SKAP2: variants seen among roughly 807,000 people sequenced by gnomAD.
SKAP2 encodes the protein src kinase associated phosphoprotein 2.
SKAP2 carries 28 observed loss-of-function variants against 54.9 expected under a neutral mutation model. That is an observed-to-expected ratio of 0.51 (90% confidence interval 0.38 to 0.70). The LOEUF is 0.70. SKAP2 is among the 30% of genes least tolerant of loss of function. The pLI is 0.00. For missense variants in SKAP2, 356 were observed against 424.1 expected, an observed-to-expected ratio of 0.84 and a Z score of 1.41; for synonymous variants, 137 against 134.3, an observed-to-expected ratio of 1.02 and a Z score of -0.14.
In SKAP2 at chr7:26,667,699, G is replaced by A. The variant is rs1275033522; in HGVS notation, c.*1967C>T. The A allele has an allele frequency of 2.0e-5, 3 of 152,694 alleles. No individual in the cohort carries two copies. The highest frequency in any genetic ancestry group is 4.1e-4 in the South Asian group (2 of 4,828). The allele number at this position is 152,694 out of a possible 1,614,324, so 9.5% of individuals were successfully genotyped here. A position where few individuals can be genotyped will look rare whatever the true frequency, so the allele number is the denominator to read the frequency against. On this transcript the variant is annotated 3_prime_UTR_variant, in exon 13 of 13. Coordinates refer to ENST00000345317, the MANE Select transcript of SKAP2 (RefSeq NM_003930.5). ...AATCTAGATGCTTTCCATCATGGGC[G>A]AGTTTGTGCCATGGGGGAAGGGTTT...
At chr7:26,736,434 A>G (rs1015934141) in intron 6 of SKAP2, among the ~76,000 whole-genome samples, 5 of 79,878 alleles carry the variant, frequency 6.3e-5, no homozygotes, top group Non-Finnish European at 1.3e-4. Flanking sequence ...ATATGGCTTA[A>G]AAAGGGGGAG....
chr7:26,714,059 T>C (rs1454499891), intron 9 of SKAP2, among the ~76,000 whole-genome samples: 2 of 152,172 alleles, frequency 1.3e-5, no homozygotes, highest in Non-Finnish European at 1.5e-5. Flanking sequence ...CTGGTGACTC[T>C]GAAGAAGCTG....
chr7:26,752,775 TGAA>T (rs1158177432), intron 4 of SKAP2, among the ~76,000 whole-genome samples: 2 of 152,184 alleles, frequency 1.3e-5, no homozygotes, highest in Non-Finnish European at 2.9e-5. Flanking sequence ...TAAACCTGGA[TGAA>T]GATCATCTTA....
At chr7:26,683,038 AATTTCAT>A (rs1320916594) in intron 11 of SKAP2, among the ~76,000 whole-genome samples, 1 of 152,184 alleles carries the variant, frequency 6.6e-6, no homozygotes, top group East Asian at 1.9e-4. Context: ...GGGCTTTATA[AATTTCAT>A]ATTTACAAAA....
intron 4 of SKAP2, among the ~76,000 whole-genome samples, chr7:26,835,730 A>C (rs1414428673): frequency 2.6e-5 from 4 of 152,214 alleles, no homozygotes; most frequent in Non-Finnish European, 5.9e-5. Context: ...GCTTATGGAT[A>C]GGAAGAATCA....
chr7:26,722,701 G>A (rs1197031119), intron 9 of SKAP2, among the ~76,000 whole-genome samples: 4 of 151,956 alleles, frequency 2.6e-5, no homozygotes, highest in Admixed American at 2.6e-4. Flanking sequence ...GAGCCACTGC[G>A]CCCAGCCCAT....
At chr7:26,736,084 G>A (rs559156814) in intron 6 of SKAP2, among the ~76,000 whole-genome samples, 1 of 152,174 alleles carries the variant, frequency 6.6e-6, no homozygotes, top group East Asian at 1.9e-4. Context: ...AAGTGGAAGT[G>A]TCAGAGGCTT....
chr7:26,700,504 A>G (rs1452713634), intron 9 of SKAP2, among the ~76,000 whole-genome samples: 5 of 152,214 alleles, frequency 3.3e-5, no homozygotes, highest in African/African-American at 1.2e-4. Context: ...TTGGTTCATA[A>G]CTGCGTCTCT....
chr7:26,760,419 C>T (rs1782900528), intron 4 of SKAP2, among the ~76,000 whole-genome samples: 2 of 152,070 alleles, frequency 1.3e-5, no homozygotes, highest in Non-Finnish European at 2.9e-5. Flanking sequence ...CCTTATCTAT[C>T]GATGGGAAAT....
intron 3 of SKAP2, among the ~76,000 whole-genome samples, chr7:26,853,348 C>T (rs1785087863): frequency 6.6e-6 from 1 of 152,122 alleles, no homozygotes; most frequent in Non-Finnish European, 1.5e-5. Context: ...AACCCTCACA[C>T]CAGCATCCAC....
At chr7:26,746,972 T>C (rs1256177350) in intron 4 of SKAP2, among the ~76,000 whole-genome samples, 1 of 152,180 alleles carries the variant, frequency 6.6e-6, no homozygotes, top group African/African-American at 2.4e-5. Flanking sequence ...AATAAATACA[T>C]AAATTAAATA....
At chr7:26,728,687 C>T (rs1020476363) in intron 6 of SKAP2, among the ~76,000 whole-genome samples, 1 of 152,134 alleles carries the variant, frequency 6.6e-6, no homozygotes, top group African/African-American at 2.4e-5. Context: ...TTTCGCGCCA[C>T]CTTCCCAATG....
intron 4 of SKAP2, among the ~76,000 whole-genome samples, chr7:26,834,506 A>C (rs953302626): frequency 6.6e-6 from 1 of 152,226 alleles, no homozygotes; most frequent in Non-Finnish European, 1.5e-5. Flanking sequence ...AAAATGATGA[A>C]GGGGATATCA....
chr7:26,723,423 G>A (rs1443759110), intron 9 of SKAP2, among the ~76,000 whole-genome samples: 1 of 152,072 alleles, frequency 6.6e-6, no homozygotes, highest in African/African-American at 2.4e-5. Flanking sequence ...ACTTTGCAGA[G>A]CAACTGGGGA....
chr7:26,687,263 G>A (rs1786667822), intron 10 of SKAP2, among the ~76,000 whole-genome samples: 1 of 151,158 alleles, frequency 6.6e-6, no homozygotes, highest in Non-Finnish European at 1.5e-5. Context: ...CTCCCTAGAT[G>A]TGCATCATGA....
intron 4 of SKAP2, among the ~76,000 whole-genome samples, chr7:26,809,939 C>A (rs10244986): frequency 0.21 from 32,219 of 152,120 alleles, 3,499 homozygotes; most frequent in Non-Finnish European, 0.24. Context: ...AGAAGGAAAT[C>A]TTGTCATTTG....
In SKAP2 at chr7:26,738,886, A is replaced by G. The variant is rs764961789; in HGVS notation, c.386-8T>C. 1.3e-6 allele frequency: 2 copies of G among 1,548,696 alleles called. No homozygotes were observed. Among genetic ancestry groups the G allele is most frequent in the East Asian group, 4.5e-5 (2 of 44,526 alleles). On this transcript the variant is annotated splice_polypyrimidine_tract_variant and splice_region_variant and intron_variant, in intron 5 of 12. Coordinates refer to ENST00000345317, the MANE Select transcript of SKAP2 (RefSeq NM_003930.5). The stretch of plus-strand genomic sequence containing the variant: ...ATCCCAGAAAGCTGTGATCTGCAAT[A>G]AAGAGGGGAAAATGTAAGGCCATTT...
intron 4 of SKAP2, among the ~76,000 whole-genome samples, chr7:26,836,875 G>T (rs1392427495): frequency 6.6e-6 from 1 of 152,176 alleles, no homozygotes; most frequent in African/African-American, 2.4e-5. Flanking sequence ...CTACTATAAA[G>T]ATACATGAAC....
chr7:26,722,107 G>A (rs1208998360), intron 9 of SKAP2, among the ~76,000 whole-genome samples: 1 of 152,146 alleles, frequency 6.6e-6, no homozygotes, highest in Admixed American at 6.5e-5. Context: ...GATGTAAAAG[G>A]ATTAGGATAT....
Sources: allele counts gnomAD v4.1 joint callset (sites outside exome capture counted in the v4.1 genomes callset), GRCh38; gene constraint gnomAD v4.1.1; transcripts MANE v1.5; gene names NCBI Gene and HGNC (gene_info 2026-07-23, HGNC 2026-07-21).